SPIRE1: variants seen among roughly 807,000 people sequenced by gnomAD.
SPIRE1 encodes protein spire homolog 1.
In SPIRE1, 40 loss-of-function variants were observed where a neutral mutation model predicts 94.1. That is an observed-to-expected ratio of 0.43 (90% CI 0.33 to 0.55). The LOEUF is 0.55. Ranked by LOEUF, SPIRE1 falls within the 20% of genes least tolerant of loss-of-function variation. The pLI is 0.06. For missense variants in SPIRE1, 838 were observed against 975.2 expected (o/e 0.86, Z 1.87); for synonymous variants, 376 against 371.7 (o/e 1.01, Z -0.13).
At chr18:12,512,775 CT>C (rs35531986) in intron 4 of SPIRE1, among the ~76,000 whole-genome samples, 81,732 of 140,146 alleles carry the variant, frequency 0.58, 24,839 homozygotes, top group African/African-American at 0.79. Context: ...CTTTCTTTTT[CT>C]TTTTTTTTTT....
At chr18:12,652,485 A>T (rs2144898730) in intron 1 of SPIRE1, among the ~76,000 whole-genome samples, 1 of 152,122 alleles carries the variant, frequency 6.6e-6, no homozygotes, top group East Asian at 1.9e-4. Context: ...TCCTGTCATC[A>T]CAGAAATACT....
chr18:12,485,932 G>A, intron 9 of SPIRE1, 27 bp downstream of exon 9: 1 of 1,510,778 alleles, frequency 6.6e-7, no homozygotes, highest in South Asian at 1.2e-5. Context: ...CCCACGTCAG[G>A]TGTAAAAGTG....
intron 9 of SPIRE1, among the ~76,000 whole-genome samples, chr18:12,482,939 C>CTT (rs11373716): frequency 0.055 from 7,121 of 128,792 alleles, 585 homozygotes; most frequent in African/African-American, 0.16. Flanking sequence ...CTTAATTGCA[C>CTT]TTTTTTTTTT....
intron 2 of SPIRE1, among the ~76,000 whole-genome samples, chr18:12,624,979 A>G (rs2037579861): frequency 6.7e-6 from 1 of 149,132 alleles, no homozygotes; most frequent in African/African-American, 2.5e-5. Context: ...TATGTATCCT[A>G]TGGTCAAATC....
intron 2 of SPIRE1, among the ~76,000 whole-genome samples, chr18:12,633,138 TACAC>T (rs2037828594): frequency 6.6e-6 from 1 of 152,024 alleles, no homozygotes; most frequent in South Asian, 2.1e-4. Context: ...GCTAGAAAAA[TACAC>T]ACCCAGAAAC....
intron 4 of SPIRE1, among the ~76,000 whole-genome samples, chr18:12,524,004 T>TA (rs1441882255): frequency 6.6e-6 from 1 of 152,236 alleles, no homozygotes; most frequent in African/African-American, 2.4e-5. Context: ...TACATAAAGA[T>TA]AATTAATTTT....
rs9948051 is a variant in SPIRE1 at position 12,525,201 on chromosome 18, C to T, written c.729+10275G>A. ...CTGAGGCAGGAGAATGGCGTGAACCCGGAAGGCGGAGCTTGCAGTGAGCTG... is the reference window on the plus strand; with the variant it reads ...CTGAGGCAGGAGAATGGCGTGAACCTGGAAGGCGGAGCTTGCAGTGAGCTG... On this transcript the variant is annotated intron_variant, in intron 4 of 16. Coordinates refer to ENST00000409402, the MANE Select transcript of SPIRE1 (RefSeq NM_001128626.2). 3.5e-3 allele frequency among the ~76,000 whole-genome samples: 488 copies of T among 141,130 alleles called. 2 individuals carry two copies. Among genetic ancestry groups the T allele is most frequent in the African/African-American group, 0.012 (462 of 37,756 alleles). 92.6% of individuals were successfully genotyped at this position (141,130 alleles called of 152,430 possible).
chr18:12,583,912 G>C (rs567517030), intron 2 of SPIRE1, among the ~76,000 whole-genome samples: 1 of 152,066 alleles, frequency 6.6e-6, no homozygotes, highest in Non-Finnish European at 1.5e-5. Flanking sequence ...AGGTGACAGA[G>C]AGAGACCTTG....
intron 10 of SPIRE1, among the ~76,000 whole-genome samples, chr18:12,478,784 G>A (rs1247490287): frequency 1.3e-5 from 2 of 152,098 alleles, no homozygotes; most frequent in Non-Finnish European, 2.9e-5. Flanking sequence ...CATCGCAGAT[G>A]GGGGCTTGAG....
intron 4 of SPIRE1, among the ~76,000 whole-genome samples, chr18:12,524,998 C>T (rs1368735487): frequency 1.3e-5 from 2 of 150,740 alleles, no homozygotes; most frequent in Non-Finnish European, 1.5e-5. Context: ...AAAAAGTGGC[C>T]AGGCACGGTG....
chr18:12,493,000 TG>T (rs2033295592), intron 8 of SPIRE1, 71 bp downstream of exon 8: 1 of 1,485,324 alleles, frequency 6.7e-7, no homozygotes, highest in African/African-American at 1.4e-5. Flanking sequence ...TTTACTTTCA[TG>T]GGGCTGGGTG....
chr18:12,525,716 G>C (rs1598436294), intron 4 of SPIRE1, among the ~76,000 whole-genome samples: 1 of 152,110 alleles, frequency 6.6e-6, no homozygotes, highest in Non-Finnish European at 1.5e-5. Flanking sequence ...AAGCCCCCCA[G>C]TAGCCACAGA....
intron 9 of SPIRE1, among the ~76,000 whole-genome samples, chr18:12,482,346 T>C (rs1025846822): frequency 1.4e-4 from 22 of 152,248 alleles, no homozygotes; most frequent in African/African-American, 5.1e-4. Context: ...GGTTTCGCCA[T>C]GTTGGCCAGG....
At chr18:12,540,963 C>T (rs1002721286) in intron 3 of SPIRE1, among the ~76,000 whole-genome samples, 3 of 152,158 alleles carry the variant, frequency 2.0e-5, no homozygotes, top group Non-Finnish European at 4.4e-5. Flanking sequence ...CAGCCTCAAG[C>T]GATCTACCTG....
At chr18:12,505,031 T>G (rs1381206114) in intron 6 of SPIRE1, among the ~76,000 whole-genome samples, 1 of 152,166 alleles carries the variant, frequency 6.6e-6, no homozygotes, top group Non-Finnish European at 1.5e-5. Context: ...TCCAGCCGTG[T>G]GGGCTGTGCC....
chr18:12,449,649 T>C lies in SPIRE1; in HGVS notation c.2260A>G (p.Ser754Gly). The C allele has an allele frequency of 6.2e-7, 1 of 1,614,090 alleles. No homozygotes were observed. Among genetic ancestry groups the C allele is most frequent in the Non-Finnish European group, 8.5e-7 (1 of 1,179,986 alleles). The change falls in exon 17 of 17, where the codon AGT (serine) becomes GGT (glycine). Residue 754 changes from serine to glycine, a missense_variant. By Grantham distance (56) the Ser-to-Gly change is moderately conservative (BLOSUM62 0). Transcript: ENST00000409402. The part of the protein sequence containing the change: ...SEYCPSERTI[S>G]EI ...GAAAGGCACGAGGCTCAGATCTCAC[T>C]GATCGTCCTCTCTGAAGGGCAGTAC...
At chr18:12,581,606 G>A (rs964951245) in intron 2 of SPIRE1, among the ~76,000 whole-genome samples, 4 of 152,120 alleles carry the variant, frequency 2.6e-5, no homozygotes, top group Admixed American at 1.3e-4. Flanking sequence ...GCTCATGCCC[G>A]TAATCCCGGC....
chr18:12,603,123 A>G (rs1326861483), intron 2 of SPIRE1, among the ~76,000 whole-genome samples: 1 of 152,216 alleles, frequency 6.6e-6, no homozygotes, highest in Non-Finnish European at 1.5e-5. Flanking sequence ...GGGCAAAATC[A>G]TCTAACACAA....
intron 2 of SPIRE1, among the ~76,000 whole-genome samples, chr18:12,586,129 T>G (rs571864856): frequency 4.6e-5 from 7 of 152,266 alleles, no homozygotes; most frequent in Non-Finnish European, 8.8e-5. Context: ...TTTTAAAATT[T>G]TTAAAATAAA....
Sources: gnomAD v4.1 joint callset for allele counts (sites outside exome capture counted in the v4.1 genomes callset) on GRCh38, gnomAD v4.1.1 for gene constraint, MANE v1.5 for transcripts, NCBI Gene and HGNC (gene_info 2026-07-23, HGNC 2026-07-21) for gene names.